ATG7: variants seen among roughly 807,000 people sequenced by gnomAD.
ATG7 encodes the protein autophagy related 7, also known as ubiquitin-like modifier-activating enzyme ATG7.
In ATG7, 70 loss-of-function variants were observed where a neutral mutation model predicts 82.4. The observed-to-expected ratio is 0.85, with a 90% confidence interval of 0.70 to 1.04. The LOEUF is 1.04. Among genes scored for constraint, ATG7 ranks in the 50% least tolerant of loss-of-function variants. The probability of loss-of-function intolerance (pLI) is 0.00; values close to 1 mark genes in which losing one functional copy is unlikely to be tolerated. For synonymous variants in ATG7, 287 were observed against 313.0 expected (o/e 0.92, Z 0.88); for missense variants, 792 against 864.3 (o/e 0.92, Z 1.05).
At chr3:11,356,155 G>T (rs2075917920) in intron 14 of ATG7, among the ~76,000 whole-genome samples, 1 of 152,136 alleles carries the variant, frequency 6.6e-6, no homozygotes, top group Non-Finnish European at 1.5e-5. Context: ...GGCAAGTGGG[G>T]ACCGACTGAG....
chr3:11,507,103 G>C (rs1251151009), intron 20 of ATG7, among the ~76,000 whole-genome samples: 1 of 152,060 alleles, frequency 6.6e-6, no homozygotes, highest in Non-Finnish European at 1.5e-5. Flanking sequence ...CCAACATAGT[G>C]AAACCCCGCC....
At chr3:11,285,960 A>G (rs976031901) in intron 3 of ATG7, among the ~76,000 whole-genome samples, 2 of 152,204 alleles carry the variant, frequency 1.3e-5, no homozygotes, top group African/African-American at 2.4e-5. Flanking sequence ...AGTCTGGGAC[A>G]GCTCCTTGTC....
intron 10 of ATG7, among the ~76,000 whole-genome samples, chr3:11,332,118 T>C (rs1951739435): frequency 6.6e-6 from 1 of 152,186 alleles, no homozygotes. Context: ...AACCAAAAGC[T>C]GGGAATAGTT....
chr3:11,332,519 A>G (rs1365727673), intron 10 of ATG7, among the ~76,000 whole-genome samples: 2 of 152,212 alleles, frequency 1.3e-5, no homozygotes, highest in African/African-American at 2.4e-5. Context: ...ACAATCTACA[A>G]TTATCCAGGT....
chr3:11,314,307 T>C (rs1183719514), intron 8 of ATG7, among the ~76,000 whole-genome samples: 2 of 152,190 alleles, frequency 1.3e-5, no homozygotes, highest in African/African-American at 4.8e-5. Context: ...TCAAGATGAT[T>C]TGAATTCTTG....
intron 3 of ATG7, among the ~76,000 whole-genome samples, chr3:11,293,615 A>G (rs1305632380): frequency 6.6e-6 from 1 of 151,960 alleles, no homozygotes; most frequent in Non-Finnish European, 1.5e-5. Flanking sequence ...TGGTACATCA[A>G]GGCAGGCGGA....
intron 20 of ATG7, among the ~76,000 whole-genome samples, chr3:11,477,667 A>G (rs1559706068): frequency 6.6e-6 from 1 of 152,342 alleles, no homozygotes; most frequent in East Asian, 1.9e-4. Context: ...AATTTTAACC[A>G]ACCTGAACAA....
intron 20 of ATG7, among the ~76,000 whole-genome samples, chr3:11,476,393 T>C (rs962671773): frequency 5.9e-5 from 9 of 151,794 alleles, no homozygotes; most frequent in African/African-American, 2.2e-4. Context: ...CTGCCACCAG[T>C]TGACCTGAAC....
chr3:11,481,370 T>C (rs867174013), intron 20 of ATG7, among the ~76,000 whole-genome samples: 35 of 152,252 alleles, frequency 2.3e-4, no homozygotes, highest in African/African-American at 7.7e-4. Flanking sequence ...TTACACTTTT[T>C]TAAAGTCAAG....
chr3:11,310,968 T>C (rs2594968), intron 7 of ATG7, among the ~76,000 whole-genome samples: 80,116 of 152,006 alleles, frequency 0.53, 22,155 homozygotes, highest in East Asian at 0.63. Flanking sequence ...TAAGCATTGC[T>C]AGTTAAAGAT....
rs2072386959 is a variant in ATG7, at chr3:11,556,185, T to C, written c.*1342T>C. ...AAAACAGGCCACAGAGAATGGTATA[T>C]TACAGATTTACACACATGAAGAGAA... On this transcript the variant is annotated 3_prime_UTR_variant, in exon 21 of 21. Coordinates refer to ENST00000693202, the MANE Select transcript of ATG7 (RefSeq NM_001349232.2). The C allele has an allele frequency of 6.6e-6, 1 of 152,590 alleles. No homozygotes were observed. Among genetic ancestry groups the C allele is most frequent in the African/African-American group, 2.4e-5 (1 of 41,408 alleles). 9.5% of individuals were successfully genotyped at this position (152,590 alleles called of 1,614,324 possible). A position where few individuals can be genotyped will look rare whatever the true frequency, so the allele number is the denominator to read the frequency against.
chr3:11,554,524 A>G (rs2072199750), intron 20 of ATG7, among the ~76,000 whole-genome samples: 1 of 152,192 alleles, frequency 6.6e-6, no homozygotes, highest in East Asian at 1.9e-4. Flanking sequence ...TGGCTGGGTC[A>G]GGGACGGTCC....
intron 20 of ATG7, 113 bp from the exon 21 acceptor site, chr3:11,554,698 G>C: frequency 7.8e-7 from 1 of 1,282,534 alleles, no homozygotes; most frequent in East Asian, 2.4e-5. Flanking sequence ...TCAGAAACAA[G>C]GGAGTGGTTC....
At chr3:11,408,831 T>G (rs767042056) in intron 19 of ATG7, among the ~76,000 whole-genome samples, 3 of 152,220 alleles carry the variant, frequency 2.0e-5, no homozygotes, top group Non-Finnish European at 2.9e-5. Context: ...AGCTGCAAGA[T>G]GAGATTTGGG....
At chr3:11,297,993 A>G (rs893570362) in intron 3 of ATG7, among the ~76,000 whole-genome samples, 3 of 152,138 alleles carry the variant, frequency 2.0e-5, no homozygotes, top group Non-Finnish European at 4.4e-5. Context: ...TCACTGTGTC[A>G]TCGGTGAAAC....
chr3:11,530,247 G>A (rs1222102484), intron 20 of ATG7, among the ~76,000 whole-genome samples: 1 of 152,180 alleles, frequency 6.6e-6, no homozygotes, highest in Non-Finnish European at 1.5e-5. Context: ...CCCAGAGAGA[G>A]CGAGGCCCTG....
At chr3:11,380,306 C>G (rs994067452) in intron 19 of ATG7, among the ~76,000 whole-genome samples, 1 of 152,126 alleles carries the variant, frequency 6.6e-6, no homozygotes, top group Admixed American at 6.5e-5. Context: ...TTGCATCATG[C>G]TAATTTTGTC....
chr3:11,318,637 G>T (rs1949772728), intron 9 of ATG7, among the ~76,000 whole-genome samples: 1 of 152,160 alleles, frequency 6.6e-6, no homozygotes. Flanking sequence ...TAAGGTTCCT[G>T]TTGACTTCGG....
chr3:11,368,211 C>G (rs560602406), intron 18 of ATG7, among the ~76,000 whole-genome samples: 1 of 134,276 alleles, frequency 7.4e-6, no homozygotes, highest in Non-Finnish European at 1.6e-5. Flanking sequence ...TTCTTCCCAT[C>G]AACAGTGTTC....
Sources: allele counts gnomAD v4.1 joint callset (sites outside exome capture counted in the v4.1 genomes callset), GRCh38; gene constraint gnomAD v4.1.1; transcripts MANE v1.5; gene names NCBI Gene and HGNC (gene_info 2026-07-23, HGNC 2026-07-21).